TRIM42: variants seen among roughly 807,000 people sequenced by gnomAD.
TRIM42 encodes the protein tripartite motif-containing protein 42.
Under a neutral mutation model 64.9 loss-of-function variants are expected in TRIM42, and 59 were observed. The observed-to-expected ratio is 0.91, with a 90% CI of 0.74 to 1.13. The LOEUF is 1.13. TRIM42 is among the 50% of genes most tolerant of loss of function. The probability of loss-of-function intolerance (pLI) is 0.00; values close to 1 mark genes in which losing one functional copy is unlikely to be tolerated. For synonymous variants in TRIM42, 354 were observed against 346.3 expected, an observed-to-expected ratio of 1.02 and a Z score of -0.25; for missense variants, 878 against 929.5, an observed-to-expected ratio of 0.94 and a Z score of 0.72.
chr3:140,683,769 G>A (rs1455472290), intron 2 of TRIM42, among the ~76,000 whole-genome samples: 2 of 152,146 alleles, frequency 1.3e-5, no homozygotes, highest in Admixed American at 6.5e-5. Context: ...CTCTTAACTA[G>A]CCAATAGCAT....
At chr3:140,688,873 G>C (rs1988635164) in intron 3 of TRIM42, among the ~76,000 whole-genome samples, 1 of 152,252 alleles carries the variant, frequency 6.6e-6, no homozygotes, top group African/African-American at 2.4e-5. Context: ...CTACTTGGCA[G>C]TGTAATGTTT....
rs1371364149 is a variant in TRIM42 at position 140,683,080 on chromosome 3, C to T, written c.960C>T (p.Gly320=). The change falls in exon 2 of 5, where the codon GGC becomes GGT. Residue 320 remains glycine, a synonymous_variant. Coordinates refer to ENST00000286349, the MANE Select transcript of TRIM42 (RefSeq NM_152616.5). ...TCTGCAAGTTCTCTTTCCACAATGG[C>T]CACGACACCATTAGCCTCATCGACG... ...CTFCKFSFHN[G]HDTISLIDAC... is the part of the protein sequence containing the mutation. 6.2e-7 allele frequency: 1 copy of T among 1,614,216 alleles called. No individual in the cohort carries two copies. Among genetic ancestry groups the T allele is most frequent in the Admixed American group, 1.7e-5 (1 of 60,022 alleles).
At chr3:140,698,509 CA>C (rs1391668549) in intron 4 of TRIM42, among the ~76,000 whole-genome samples, 2 of 151,916 alleles carry the variant, frequency 1.3e-5, no homozygotes, top group Non-Finnish European at 2.9e-5. Context: ...TTCACACACA[CA>C]AAAAAAGATA....
chr3:140,684,360 C>A (rs963257681), intron 2 of TRIM42, among the ~76,000 whole-genome samples: 1 of 152,166 alleles, frequency 6.6e-6, no homozygotes, highest in Admixed American at 6.5e-5. Context: ...GAAGGGGAAC[C>A]ACCACTACCA....
chr3:140,679,822 G>A (rs1021473853), intron 1 of TRIM42, among the ~76,000 whole-genome samples: 19 of 152,022 alleles, frequency 1.2e-4, no homozygotes, highest in Admixed American at 2.0e-4. Flanking sequence ...GCTCCCCAAC[G>A]TTACTGTGCA....
intron 2 of TRIM42, among the ~76,000 whole-genome samples, chr3:140,687,167 G>A (rs555245520): frequency 6.6e-6 from 1 of 152,238 alleles, no homozygotes; most frequent in East Asian, 1.9e-4. Context: ...TGAACCACAA[G>A]AGGGACAAAG....
chr3:140,688,706 C>T (rs1353355773), intron 3 of TRIM42, among the ~76,000 whole-genome samples, 164 bp downstream of exon 3: 1 of 152,198 alleles, frequency 6.6e-6, no homozygotes, highest in Non-Finnish European at 1.5e-5. Context: ...AAGGGATAAG[C>T]TCCTGGAATC....
chr3:140,686,312 G>A (rs1442657989), intron 2 of TRIM42, among the ~76,000 whole-genome samples: 5 of 152,184 alleles, frequency 3.3e-5, no homozygotes, highest in Non-Finnish European at 5.9e-5. Flanking sequence ...ATCGGACCCT[G>A]GTAGTTTCCC....
At position 140,678,066 on chromosome 3, in the gene TRIM42, G is replaced by A. The variant is rs551873564; in HGVS notation, c.-164G>A. On this transcript the variant is annotated 5_prime_UTR_variant, in exon 1 of 5. Transcript: ENST00000286349. ...TGCCAGCCTATGAGCTTCCTGGTAG[G>A]GACACCAGCTGTGAAGTCCTCATAA... 1.5e-5 allele frequency: 10 copies of A among 646,364 alleles called. No individual in the cohort carries two copies. The highest frequency in any genetic ancestry group is 2.5e-5 in the Non-Finnish European group (9 of 360,402). The allele number at this position is 646,364 out of a possible 1,614,324, so 40.0% of individuals were successfully genotyped here. A position where few individuals can be genotyped will look rare whatever the true frequency, so the allele number is the denominator to read the frequency against.
At chr3:140,696,164 C>T (rs1988841209) in intron 4 of TRIM42, among the ~76,000 whole-genome samples, 2 of 152,246 alleles carry the variant, frequency 1.3e-5, no homozygotes, top group South Asian at 4.1e-4. Context: ...TATATATTCC[C>T]TTTTGTGACA....
At chr3:140,694,017 G>A (rs1988787852) in intron 4 of TRIM42, among the ~76,000 whole-genome samples, 1 of 152,160 alleles carries the variant, frequency 6.6e-6, no homozygotes, top group Admixed American at 6.5e-5. Context: ...TAAGAAAAAT[G>A]AGGCCTCATA....
At position 140,687,984 on chromosome 3, in the gene TRIM42, G is replaced by T. The variant is rs150895477; in HGVS notation, c.1302G>T (p.Leu434=). The T allele has an allele frequency of 1.9e-6, 3 of 1,614,218 alleles. No individual in the cohort carries two copies. In the South Asian group the frequency reaches 3.3e-5, roughly 18 times the overall value. Residue 434 remains leucine (L), a synonymous_variant, in exon 3 of 5, where the codon CTG becomes CTT. Coordinates refer to ENST00000286349, the MANE Select transcript of TRIM42 (RefSeq NM_152616.5). ...DGLIAYSKEA[L]KETGQVAFLQ... Reference sequence around the variant, plus strand: ...TGATCGCCTACTCCAAGGAAGCCCTGAAGGAGACTGGCCAGGTGGCATTCC... The same window carrying T: ...TGATCGCCTACTCCAAGGAAGCCCTTAAGGAGACTGGCCAGGTGGCATTCC...
chr3:140,680,371 T>C (rs1988346306), intron 1 of TRIM42, among the ~76,000 whole-genome samples: 1 of 152,042 alleles, frequency 6.6e-6, no homozygotes. Context: ...TCCCTCTCCA[T>C]CTTAATCTTT....
chr3:140,683,027 C>T lies in TRIM42; in HGVS notation c.907C>T (p.Arg303Cys), dbSNP rs570831312. The T allele has an allele frequency of 2.1e-5, 34 of 1,614,196 alleles. No homozygotes were observed. The highest frequency in any genetic ancestry group is 3.3e-5 in the South Asian group (3 of 91,080). ...HPSSRIIEYCRNDNKLLCTFC... is the reference protein window; with the variant it reads ...HPSSRIIEYCCNDNKLLCTFC... ...ATCCAGCCGCATCATCGAGTACTGC[C>T]GCAATGACAACAAATTGCTCTGCAC... Residue 303 changes from arginine (R) to cysteine (C), a missense_variant, in exon 2 of 5, where the codon CGC (arginine) becomes TGC (cysteine). Physicochemically the swap from Arg to Cys is radical, Grantham distance 180. Transcript: ENST00000286349.
intron 1 of TRIM42, chr3:140,680,542 C>A (rs1988351553): frequency 8.0e-6 from 2 of 251,046 alleles, no homozygotes; most frequent in Non-Finnish European, 6.3e-6. Context: ...GAGATACCTC[C>A]TGTGAAGGCC....
At chr3:140,697,035 C>A (rs1236592032) in intron 4 of TRIM42, among the ~76,000 whole-genome samples, 1 of 152,208 alleles carries the variant, frequency 6.6e-6, no homozygotes, top group African/African-American at 2.4e-5. Flanking sequence ...TAAGCCCCAC[C>A]TACATTTAGC....
At chr3:140,697,977 C>T (rs1988901009) in intron 4 of TRIM42, among the ~76,000 whole-genome samples, 1 of 152,182 alleles carries the variant, frequency 6.6e-6, no homozygotes, top group Non-Finnish European at 1.5e-5. Context: ...GCCACCGCGC[C>T]TGGCCAGAAA....
At chr3:140,692,530 T>TAC (rs1553763786) in intron 4 of TRIM42, among the ~76,000 whole-genome samples, 3,913 of 108,442 alleles carry the variant, frequency 0.036, 212 homozygotes, top group African/African-American at 0.11. Context: ...CACATACACA[T>TAC]ACACACACAC....
At chr3:140,690,118 T>C (rs1369403199) in intron 3 of TRIM42, among the ~76,000 whole-genome samples, 1 of 152,224 alleles carries the variant, frequency 6.6e-6, no homozygotes, top group Non-Finnish European at 1.5e-5. Context: ...TGGAATGGAC[T>C]TCATACAGGA....
Sources: gnomAD v4.1 joint callset for allele counts (sites outside exome capture counted in the v4.1 genomes callset) on GRCh38, gnomAD v4.1.1 for gene constraint, MANE v1.5 for transcripts, NCBI Gene and HGNC (gene_info 2026-07-23, HGNC 2026-07-21) for gene names.